Variants in CBX3 observed in about 807,000 individuals in gnomAD.
The protein encoded by CBX3 is chromobox 3, also known as chromobox protein homolog 3.
A neutral mutation model predicts 22.6 loss-of-function variants in CBX3; 5 were observed. The observed-to-expected ratio is 0.22, with a 90% confidence interval of 0.12 to 0.47. The LOEUF (loss-of-function observed/expected upper bound fraction) is 0.47. Among genes scored for constraint, CBX3 ranks in the 20% least tolerant of loss-of-function variants. The pLI, the probability that CBX3 is intolerant of heterozygous loss-of-function variation, is 0.99. For missense variants in CBX3, 83 were observed against 208.1 expected (o/e 0.40, Z 3.70); for synonymous variants, 50 against 66.6 (o/e 0.75, Z 1.21).
At chr7:26,211,078 T>TA (rs74744309) in intron 4 of CBX3, among the ~76,000 whole-genome samples, 3,682 of 106,640 alleles carry the variant, frequency 0.035, 119 homozygotes, top group African/African-American at 0.093. Flanking sequence ...GCTGATGAGC[T>TA]AAAAAAAAAA....
intron 4 of CBX3, among the ~76,000 whole-genome samples, 168 bp from the exon 5 acceptor site, chr7:26,211,494 G>A (rs1198528059): frequency 6.6e-6 from 1 of 152,024 alleles, no homozygotes; most frequent in Admixed American, 6.6e-5. Context: ...ATCAAACTCA[G>A]GTTTTTCTGC....
At chr7:26,209,875 A>G (rs776861906) in intron 4 of CBX3, 4 of 152,368 alleles carry the variant, frequency 2.6e-5, no homozygotes, top group South Asian at 4.2e-4. Context: ...CATTTGAACT[A>G]GAAGCCAAGT....
Position 26,207,107 on chromosome 7 carries a change from C to T in CBX3, c.167+597C>T, listed in dbSNP as rs545579038. Among the ~76,000 whole-genome samples the T allele has an allele frequency of 1.6e-4, 24 of 152,302 alleles. No individual in the cohort carries two copies. The South Asian group carries it at 5.0e-3, about 32-fold the overall frequency. ...TTTGTTGTGCTTATCTGCTTTGATTCTTCCCCCTTACACCACAAAGCTCCA... is the reference window on the plus strand; with the variant it reads ...TTTGTTGTGCTTATCTGCTTTGATTTTTCCCCCTTACACCACAAAGCTCCA... On this transcript the variant is annotated intron_variant, in intron 3 of 5. Coordinates refer to ENST00000396386, the MANE Select transcript of CBX3 (RefSeq NM_016587.4).
At chr7:26,210,326 TAAC>T (rs1464912306) in intron 4 of CBX3, 1 of 152,230 alleles carries the variant, frequency 6.6e-6, no homozygotes, top group Non-Finnish European at 1.5e-5. Flanking sequence ...GGCACAACTT[TAAC>T]AACACTTATT....
upstream of CBX3, chr7:26,201,642 C>A (rs1197734790): frequency 6.9e-6 from 1 of 145,106 alleles, no homozygotes. Context: ...GCCCCTCCCC[C>A]CGCCGGGCGC....
intron 3 of CBX3, among the ~76,000 whole-genome samples, chr7:26,207,703 A>G (rs867413747): frequency 6.6e-6 from 1 of 151,934 alleles, no homozygotes; most frequent in Admixed American, 6.6e-5. Context: ...ATTTTAGCAG[A>G]GACCGGGTTT....
chr7:26,209,233 A>T (rs1023259170), intron 4 of CBX3, among the ~76,000 whole-genome samples: 9 of 152,156 alleles, frequency 5.9e-5, no homozygotes, highest in Admixed American at 1.3e-4. Context: ...CTTTTTTAAA[A>T]TTCAGATACT....
In CBX3 at chr7:26,213,486, T is replaced by A. The variant is rs1026570331; in HGVS notation, c.*1278T>A. 1.3e-5 allele frequency: 2 copies of A among 152,210 alleles called. No individual in the cohort carries two copies. Among genetic ancestry groups the A allele is most frequent in the Non-Finnish European group, 2.9e-5 (2 of 68,032 alleles). The allele number at this position is 152,210 out of a possible 1,614,324, so 9.4% of individuals were successfully genotyped here. On this transcript the variant is annotated 3_prime_UTR_variant, in exon 6 of 6. Transcript: ENST00000396386. Reference sequence around the variant, plus strand: ...ATTACAGTACATATCCTAGATCTTTTGAGCTTACGAGTTTTAAACTTGAAT... The same window carrying A: ...ATTACAGTACATATCCTAGATCTTTAGAGCTTACGAGTTTTAAACTTGAAT...
rs754532052 is a variant in CBX3, at chr7:26,213,141, A to G, written c.*933A>G. 9.8e-5 allele frequency: 15 copies of G among 152,640 alleles called. No individual in the cohort carries two copies. Among genetic ancestry groups the G allele is most frequent in the Non-Finnish European group, 1.8e-4 (12 of 68,050 alleles). The allele number at this position is 152,640 out of a possible 1,614,324, so 9.5% of individuals were successfully genotyped here. A position where few individuals can be genotyped will look rare whatever the true frequency, so the allele number is the denominator to read the frequency against. ...AGGACCTGCTGTCATAAATGTGTGAACAACCTTTTGTAACCTAACCTATTG... is the reference window on the plus strand; with the variant it reads ...AGGACCTGCTGTCATAAATGTGTGAGCAACCTTTTGTAACCTAACCTATTG... On this transcript the variant is annotated 3_prime_UTR_variant, in exon 6 of 6. Transcript: ENST00000396386.
chr7:26,211,861 G>T, intron 5 of CBX3, 105 bp downstream of exon 5: 1 of 912,798 alleles, frequency 1.1e-6, no homozygotes. Context: ...TCTGCTGAGA[G>T]GATGATTCTG....
Position 26,201,843 on chromosome 7 carries a change from C to T in CBX3, c.-29+17C>T, listed in dbSNP as rs1047677119. On this transcript the variant is annotated intron_variant, in intron 1 of 5. Transcript: ENST00000396386. The stretch of plus-strand genomic sequence containing the variant: ...GGCGGTGAAGTCGGTGGCTTTCCTT[C>T]TCTCTAGCTCTCGCTCGCTGGTGGT... The T allele has an allele frequency of 3.3e-5, 5 of 152,282 alleles. No individual in the cohort carries two copies. Among genetic ancestry groups the T allele is most frequent in the Non-Finnish European group, 2.9e-5 (2 of 68,180 alleles). The allele number at this position is 152,282 out of a possible 1,614,324, so 9.4% of individuals were successfully genotyped here.
intron 2 of CBX3, among the ~76,000 whole-genome samples, chr7:26,204,502 A>G (rs1167903559): frequency 2.0e-5 from 3 of 152,226 alleles, no homozygotes; most frequent in South Asian, 2.1e-4. Context: ...TAGAAATGGT[A>G]TCCAAAAACG....
At chr7:26,207,914 A>G (rs184581869) in intron 3 of CBX3, among the ~76,000 whole-genome samples, 114 of 152,008 alleles carry the variant, frequency 7.5e-4, no homozygotes, top group Middle Eastern at 3.4e-3. Context: ...TCAGGGTAGC[A>G]AATTAGAATA....
chr7:26,203,408 C>T (rs1784598251), intron 2 of CBX3, among the ~76,000 whole-genome samples: 1 of 152,136 alleles, frequency 6.6e-6, no homozygotes, highest in African/African-American at 2.4e-5. Flanking sequence ...CATTAAAGCC[C>T]AATTTAAAGA....
intron 2 of CBX3, among the ~76,000 whole-genome samples, chr7:26,204,696 TCTTAA>T (rs778493976): frequency 2.0e-5 from 3 of 152,240 alleles, no homozygotes; most frequent in African/African-American, 7.2e-5. Context: ...CTTGAGGTGT[TCTTAA>T]CTTTTTTCTG....
intron 3 of CBX3, 23 bp downstream of exon 3, chr7:26,206,533 T>G: frequency 6.2e-7 from 1 of 1,608,352 alleles, no homozygotes; most frequent in East Asian, 2.2e-5. Flanking sequence ...AGTGCATCTT[T>G]ACTATATGTT....
chr7:26,208,581 C>G, intron 4 of CBX3, 26 bp downstream of exon 4: 2 of 1,560,776 alleles, frequency 1.3e-6, no homozygotes, highest in South Asian at 1.2e-5. Flanking sequence ...TGCCCACCAG[C>G]TTGTCCTTTT....
At chr7:26,206,897 TA>T (rs1784688544) in intron 3 of CBX3, among the ~76,000 whole-genome samples, 1 of 152,230 alleles carries the variant, frequency 6.6e-6, no homozygotes, top group Admixed American at 6.5e-5. Flanking sequence ...CAGGATTACA[TA>T]TAATCTAGGC....
chr7:26,203,789 T>G (rs1784607469), intron 2 of CBX3, among the ~76,000 whole-genome samples: 1 of 152,194 alleles, frequency 6.6e-6, no homozygotes, highest in Non-Finnish European at 1.5e-5. Context: ...GTTTTTGGCT[T>G]GTATGTGCTC....
Sources: allele counts gnomAD v4.1 joint callset (sites outside exome capture counted in the v4.1 genomes callset), GRCh38; gene constraint gnomAD v4.1.1; transcripts MANE v1.5; gene names NCBI Gene and HGNC (gene_info 2026-07-23, HGNC 2026-07-21).